The following PXDNL variants were observed in gnomAD, a reference collection of about 807,000 sequenced individuals.
PXDNL encodes the protein peroxidasin like, also known as probable oxidoreductase PXDNL.
Under a neutral mutation model 150.8 loss-of-function variants are expected in PXDNL, and 145 were observed. The observed-to-expected ratio is 0.96, with a 90% CI of 0.84 to 1.10. PXDNL has a LOEUF of 1.10. Among genes scored for constraint, PXDNL ranks in the 50% least tolerant of loss-of-function variants. The pLI is 0.00. For missense variants in PXDNL, 2,087 were observed against 1,873.9 expected, an observed-to-expected ratio of 1.11 and a Z score of -2.10; for synonymous variants, 757 against 725.7, an observed-to-expected ratio of 1.04 and a Z score of -0.69.
chr8:51,716,329 A>C (rs572827959), intron 1 of PXDNL, among the ~76,000 whole-genome samples: 1 of 152,380 alleles, frequency 6.6e-6, no homozygotes, highest in East Asian at 1.9e-4. Flanking sequence ...ACCTTCAAAA[A>C]GACAAAAATC....
At chr8:51,321,140 G>A (rs1805301715) in intron 21 of PXDNL, 3 of 356,418 alleles carry the variant, frequency 8.4e-6, no homozygotes. Flanking sequence ...CCTAGAGTAT[G>A]AAAGAGTTAA....
chr8:51,348,755 A>G (rs75812792), intron 19 of PXDNL, among the ~76,000 whole-genome samples: 6,044 of 152,232 alleles, frequency 0.04, 395 homozygotes, highest in African/African-American at 0.14. Flanking sequence ...ACCTATACTC[A>G]ATATTATCTT....
intron 1 of PXDNL, among the ~76,000 whole-genome samples, chr8:51,676,918 A>G (rs1467254992): frequency 6.6e-6 from 1 of 152,194 alleles, no homozygotes; most frequent in Non-Finnish European, 1.5e-5. Context: ...CTCAGGGCTA[A>G]GAGTAGCATT....
intron 3 of PXDNL, among the ~76,000 whole-genome samples, chr8:51,580,016 T>TTAAATAAA (rs139022186): frequency 4.0e-5 from 6 of 150,398 alleles, no homozygotes; most frequent in African/African-American, 1.2e-4. Context: ...AATAATAAAA[T>TTAAATAAA]TAAATAAATA....
chr8:51,559,330 A>ACCCCCCCCCCCCCCC (rs59230172), intron 3 of PXDNL, among the ~76,000 whole-genome samples: 1 of 98,066 alleles, frequency 1.0e-5, no homozygotes, highest in Non-Finnish European at 2.4e-5. Flanking sequence ...TTTCTTCCAA[A>ACCCCCCCCCCCCCCC]CCCCCCCCCC....
At chr8:51,326,564 A>C (rs1298970959) in intron 21 of PXDNL, among the ~76,000 whole-genome samples, 1 of 152,214 alleles carries the variant, frequency 6.6e-6, no homozygotes, top group African/African-American at 2.4e-5. Context: ...TCCCAGAAAT[A>C]GAATTCTCAT....
At position 51,555,173 on chromosome 8, in the gene PXDNL, C is replaced by T. The variant is rs535807270; in HGVS notation, c.380+1667G>A. 1.9e-4 allele frequency among the ~76,000 whole-genome samples: 29 copies of T among 152,214 alleles called. No homozygotes were observed. The South Asian group carries it at 6.0e-3, about 32-fold the overall frequency. On this transcript the variant is annotated intron_variant, in intron 4 of 22. Coordinates refer to ENST00000356297, the MANE Select transcript of PXDNL (RefSeq NM_144651.5). Reference sequence around the variant, plus strand: ...TGAAGGGCCGGCATCCTTTAAGGGCCTTCCTGCAGTATAATCCCATGGCAA... The same window carrying T: ...TGAAGGGCCGGCATCCTTTAAGGGCTTTCCTGCAGTATAATCCCATGGCAA...
chr8:51,685,715 C>T (rs923139786), intron 1 of PXDNL, among the ~76,000 whole-genome samples: 7 of 152,196 alleles, frequency 4.6e-5, no homozygotes, highest in African/African-American at 1.7e-4. Flanking sequence ...ATCTGCCTTC[C>T]TCTTGAAGTC....
chr8:51,593,124 T>C (rs937035776), intron 2 of PXDNL, among the ~76,000 whole-genome samples: 9 of 152,170 alleles, frequency 5.9e-5, no homozygotes, highest in Non-Finnish European at 1.3e-4. Context: ...TAGACTTTCA[T>C]TGTGTATTTG....
chr8:51,405,695 G>A (rs1443621282), intron 17 of PXDNL, among the ~76,000 whole-genome samples: 1 of 152,216 alleles, frequency 6.6e-6, no homozygotes, highest in African/African-American at 2.4e-5. Flanking sequence ...ATAGTTGAAT[G>A]AGTATATGTT....
intron 1 of PXDNL, among the ~76,000 whole-genome samples, chr8:51,774,765 C>T (rs971572397): frequency 6.6e-6 from 1 of 152,112 alleles, no homozygotes; most frequent in Non-Finnish European, 1.5e-5. Context: ...TTGCAGTGAG[C>T]TGAGATCACG....
At chr8:51,791,648 G>A (rs940752076) in intron 1 of PXDNL, among the ~76,000 whole-genome samples, 3 of 152,154 alleles carry the variant, frequency 2.0e-5, no homozygotes, top group Non-Finnish European at 2.9e-5. Flanking sequence ...CAACCCTGCC[G>A]GTGCATGCAA....
chr8:51,374,657 A>T lies in PXDNL; in HGVS notation c.3632T>A (p.Val1211Glu). 2 of 1,613,846 alleles carry T rather than the reference A, an allele frequency of 1.2e-6. No individual in the cohort carries two copies. The highest frequency in any genetic ancestry group is 1.7e-6 in the Non-Finnish European group (2 of 1,179,858). The change falls in exon 18 of 23, where the codon GTG (valine) becomes GAG (glutamate). Residue 1211 changes from valine to glutamate, a missense_variant. Coordinates refer to ENST00000356297, the MANE Select transcript of PXDNL (RefSeq NM_144651.5). Reference protein sequence around the residue: ...MVEDLIPGTRVGPTLMCLFVT... With the variant: ...MVEDLIPGTREGPTLMCLFVT... ...AAACAGGCACATAAGTGTTGGTCCC[A>T]CTCTTGTACCAGGAATCAGGTCTTC...
chr8:51,726,934 C>T (rs754034725), intron 1 of PXDNL, among the ~76,000 whole-genome samples: 1 of 152,140 alleles, frequency 6.6e-6, no homozygotes, highest in African/African-American at 2.4e-5. Context: ...GACTTTCAAC[C>T]CTTTTCCTCC....
chr8:51,609,050 G>C (rs888604688), intron 2 of PXDNL, among the ~76,000 whole-genome samples: 1 of 152,028 alleles, frequency 6.6e-6, no homozygotes, highest in Non-Finnish European at 1.5e-5. Flanking sequence ...GCAACTCCTT[G>C]TTCTCACAAA....
chr8:51,456,076 G>A (rs536071764), intron 9 of PXDNL, among the ~76,000 whole-genome samples: 1 of 152,066 alleles, frequency 6.6e-6, no homozygotes, highest in Admixed American at 6.6e-5. Context: ...GGCAATTGCC[G>A]CTGCTGACTT....
At chr8:51,359,695 A>C (rs980384898) in intron 19 of PXDNL, among the ~76,000 whole-genome samples, 1 of 152,208 alleles carries the variant, frequency 6.6e-6, no homozygotes, top group Non-Finnish European at 1.5e-5. Context: ...TGGATTGATA[A>C]GGAAAGTTAC....
At chr8:51,760,238 T>C (rs1355279127) in intron 1 of PXDNL, among the ~76,000 whole-genome samples, 1 of 152,168 alleles carries the variant, frequency 6.6e-6, no homozygotes, top group African/African-American at 2.4e-5. Flanking sequence ...AGTTTCACAC[T>C]TGATTGCCTA....
At position 51,320,204 on chromosome 8, in the gene PXDNL, C is replaced by T. The variant is rs185855125; in HGVS notation, c.4261-182G>A. ...TTCATTCTTTCTTTCTATACATTTGCAGCACGAACAGCAAGCCTGCCCTAT... is the reference window on the plus strand; with the variant it reads ...TTCATTCTTTCTTTCTATACATTTGTAGCACGAACAGCAAGCCTGCCCTAT... On this transcript the variant is annotated intron_variant, in intron 22 of 22. Transcript: ENST00000356297. Among the ~76,000 whole-genome samples the T allele has an allele frequency of 2.5e-3, 387 of 152,296 alleles. 6 individuals are homozygous for T. Among genetic ancestry groups the T allele is most frequent in the African/African-American group, 8.7e-3 (361 of 41,560 alleles).
Sources: allele counts gnomAD v4.1 joint callset (sites outside exome capture counted in the v4.1 genomes callset), GRCh38; gene constraint gnomAD v4.1.1; transcripts MANE v1.5; gene names NCBI Gene and HGNC (gene_info 2026-07-23, HGNC 2026-07-21).